Variants in EXT1 observed in about 807,000 individuals in gnomAD.
EXT1 encodes exostosin-1.
A neutral mutation model predicts 82.5 loss-of-function variants in EXT1; 20 were observed. The observed-to-expected ratio is 0.24, with a 90% CI of 0.17 to 0.35. The LOEUF (loss-of-function observed/expected upper bound fraction) is 0.35, where lower values mean the gene tolerates loss of function less well. Ranked by LOEUF, EXT1 falls within the 10% of genes least tolerant of loss-of-function variation. The pLI is 1.00. For synonymous variants in EXT1, 348 were observed against 350.8 expected (o/e 0.99, Z 0.09); for missense variants, 757 against 936.5 (o/e 0.81, Z 2.50).
chr8:117,910,671 A>T (rs772825605), intron 1 of EXT1, among the ~76,000 whole-genome samples: 1 of 152,228 alleles, frequency 6.6e-6, no homozygotes, highest in Non-Finnish European at 1.5e-5. Context: ...TCTGCTTCAT[A>T]TGTTATACAA....
In EXT1 at chr8:117,799,567, C is replaced by CT. The variant is rs71739430; in HGVS notation, c.*144dup. On this transcript the variant is annotated 3_prime_UTR_variant, in exon 11 of 11. Transcript: ENST00000378204. ...AGCCAGGAGTTGAGTTCTCATTGGC[C>CT]TTTTTTTTTTTGTCATTCTGCTCAT... The CT allele has an allele frequency of 0.012, 8,922 of 770,106 alleles. 4 individuals are homozygous for CT. The highest frequency in any genetic ancestry group is 0.018 in the African/African-American group (991 of 54,314). The allele number at this position is 770,106 out of a possible 1,614,324, so 47.7% of individuals were successfully genotyped here. A position where few individuals can be genotyped will look rare whatever the true frequency, so the allele number is the denominator to read the frequency against.
chr8:117,936,871 T>C (rs930768935), intron 1 of EXT1, among the ~76,000 whole-genome samples: 3 of 152,028 alleles, frequency 2.0e-5, no homozygotes, highest in African/African-American at 7.3e-5. Context: ...TGAGACTCCA[T>C]CTCAAAAAAT....
chr8:118,068,534 A>G (rs936377527), intron 1 of EXT1, among the ~76,000 whole-genome samples: 1 of 151,602 alleles, frequency 6.6e-6, no homozygotes, highest in Admixed American at 6.6e-5. Context: ...CCCTGTGTCC[A>G]TGTGTTCTCA....
chr8:117,982,194 GTCT>G (rs991981965), intron 1 of EXT1, among the ~76,000 whole-genome samples: 5 of 152,166 alleles, frequency 3.3e-5, no homozygotes, highest in Admixed American at 1.3e-4. Flanking sequence ...AGAGCCCCAG[GTCT>G]TCTTAGGAGC....
rs1183368335 is a variant in EXT1, at chr8:117,796,678, C to A, written c.*3034G>T. 1 of 152,040 alleles carries A rather than the reference C, an allele frequency of 6.6e-6. No individual in the cohort carries two copies. Among genetic ancestry groups the A allele is most frequent in the Non-Finnish European group, 1.5e-5 (1 of 68,018 alleles). 9.4% of individuals were successfully genotyped at this position (152,040 alleles called of 1,614,324 possible). On this transcript the variant is annotated 3_prime_UTR_variant, in exon 11 of 11. Coordinates refer to ENST00000378204, the MANE Select transcript of EXT1 (RefSeq NM_000127.3). ...TTCCCTTTTTTTTTGAAGCATCTAT[C>A]TGAAAGTGTGTTGATACGACCAGGT...
In EXT1 at chr8:118,110,076, G is replaced by A; in HGVS notation, c.962+9C>T. On this transcript the variant is annotated intron_variant, in intron 1 of 10. Transcript: ENST00000378204. Reference sequence around the variant, plus strand: ...TGACTCCCAAAGACACGCCAGCCCAGACACTTACTTCTCATACTCGGTGTT... The same window carrying A: ...TGACTCCCAAAGACACGCCAGCCCAAACACTTACTTCTCATACTCGGTGTT... 1 of 1,601,688 alleles carries A rather than the reference G, an allele frequency of 6.2e-7. No homozygotes were observed. Among genetic ancestry groups the A allele is most frequent in the Non-Finnish European group, 8.5e-7 (1 of 1,179,530 alleles).
intron 1 of EXT1, among the ~76,000 whole-genome samples, chr8:117,966,642 C>G (rs901485274): frequency 6.6e-6 from 1 of 152,124 alleles, no homozygotes. Context: ...TTATTCTGTT[C>G]TGCATTTCAT....
Position 117,822,476 on chromosome 8 carries a change from T to A in EXT1, c.1406A>T (p.Tyr469Phe), listed in dbSNP as rs750748090. The A allele has an allele frequency of 6.2e-7, 1 of 1,613,158 alleles. No homozygotes were observed. The highest frequency in any genetic ancestry group is 1.1e-5 in the South Asian group (1 of 91,082). ...SSYLGDFPYY[Y>F]ANLGLKPPSK... is the part of the protein sequence containing the mutation. ...GGAAATTCACTTACCTAAATTAGCATAGTAGTAAGGAAAATCTCCCAGATA... is the reference window on the plus strand; with the variant it reads ...GGAAATTCACTTACCTAAATTAGCAAAGTAGTAAGGAAAATCTCCCAGATA... Residue 469 changes from tyrosine to phenylalanine, a missense_variant, in exon 5 of 11, where the codon TAT becomes TTT. Tyr to Phe is a conservative substitution (Grantham distance 22, BLOSUM62 3). This residue lies in a region of EXT1 where 207 missense variants were observed against 224.2 expected (regional missense o/e 0.92). Transcript: ENST00000378204.
At chr8:117,917,613 A>G (rs1157307764) in intron 1 of EXT1, among the ~76,000 whole-genome samples, 1 of 152,218 alleles carries the variant, frequency 6.6e-6, no homozygotes, top group African/African-American at 2.4e-5. Context: ...TTCACCTCAA[A>G]GATGCAAAGT....
At chr8:118,091,799 ATG>A (rs200620480) in intron 1 of EXT1, among the ~76,000 whole-genome samples, 48 of 103,162 alleles carry the variant, frequency 4.7e-4, no homozygotes, top group African/African-American at 8.0e-4. Context: ...CTATATATAT[ATG>A]TATCTTCTAA....
chr8:117,970,096 G>A (rs1449867630), intron 1 of EXT1, among the ~76,000 whole-genome samples: 1 of 152,086 alleles, frequency 6.6e-6, no homozygotes, highest in African/African-American at 2.4e-5. Context: ...TAGTCTTTAG[G>A]TGGAATTCAT....
At chr8:118,044,096 G>T (rs554731775) in intron 1 of EXT1, among the ~76,000 whole-genome samples, 1 of 152,224 alleles carries the variant, frequency 6.6e-6, no homozygotes, top group East Asian at 1.9e-4. Context: ...TTAAACATCA[G>T]GGTTACGTAT....
At chr8:118,045,433 C>T (rs1286384084) in intron 1 of EXT1, among the ~76,000 whole-genome samples, 1 of 152,184 alleles carries the variant, frequency 6.6e-6, no homozygotes, top group Non-Finnish European at 1.5e-5. Flanking sequence ...TTCATTCACG[C>T]TCTCAAACCA....
chr8:118,054,857 G>T (rs1816771328), intron 1 of EXT1, among the ~76,000 whole-genome samples: 1 of 152,058 alleles, frequency 6.6e-6, no homozygotes, highest in Non-Finnish European at 1.5e-5. Flanking sequence ...GGGGTTCCGA[G>T]GCCGCTCTGA....
chr8:117,929,490 T>G (rs1214447796), intron 1 of EXT1, among the ~76,000 whole-genome samples: 1 of 152,188 alleles, frequency 6.6e-6, no homozygotes, highest in African/African-American at 2.4e-5. Context: ...AGAAAGGCAG[T>G]TATTAGACAT....
Position 117,910,824 on chromosome 8 carries a change from TG to T in EXT1, c.963-73624del, listed in dbSNP as rs1376189937. Among the ~76,000 whole-genome samples the T allele has an allele frequency of 2.0e-5, 3 of 152,224 alleles. No homozygotes were observed. The East Asian group carries it at 5.8e-4, about 29-fold the overall frequency. On this transcript the variant is annotated intron_variant, in intron 1 of 10. Transcript: ENST00000378204. ...TGGCAGGATCCGCATGATCCTGAAC[TG>T]GAGAAACAATATAGTCAACTAATGC...
intron 1 of EXT1, among the ~76,000 whole-genome samples, chr8:118,062,275 G>C (rs1253668067): frequency 1.3e-5 from 2 of 152,202 alleles, no homozygotes; most frequent in Non-Finnish European, 2.9e-5. Context: ...GAAATGTTTA[G>C]GTAGAGGCCA....
At chr8:117,834,441 C>T (rs1812151445) in intron 3 of EXT1, among the ~76,000 whole-genome samples, 1 of 152,102 alleles carries the variant, frequency 6.6e-6, no homozygotes, top group Admixed American at 6.6e-5. Context: ...CCCATCTCTA[C>T]TACAAATACA....
intron 1 of EXT1, among the ~76,000 whole-genome samples, chr8:117,860,170 A>C (rs1812656290): frequency 7.2e-6 from 1 of 139,064 alleles, no homozygotes; most frequent in Admixed American, 7.2e-5. Context: ...AAAAAAAAAA[A>C]TGAAAGAAAA....
Sources: allele counts gnomAD v4.1 joint callset (sites outside exome capture counted in the v4.1 genomes callset), GRCh38; gene constraint gnomAD v4.1.1; regional missense constraint gnomAD v4.1.1; transcripts MANE v1.5; gene names NCBI Gene and HGNC (gene_info 2026-07-23, HGNC 2026-07-21).